CHST8: variants seen among roughly 807,000 people sequenced by gnomAD.
The protein encoded by CHST8 is GALNAC-4-ST1.
Under a neutral mutation model 15.0 loss-of-function variants are expected in CHST8, and 10 were observed. The observed-to-expected ratio is 0.67, with a 90% CI of 0.41 to 1.13. The LOEUF is 1.13. Ranked by LOEUF, CHST8 falls within the 50% of genes most tolerant of loss-of-function variation. The pLI is 0.00. For synonymous variants in CHST8, 259 were observed against 256.6 expected (o/e 1.01, Z -0.09); for missense variants, 634 against 608.2 (o/e 1.04, Z -0.45).
chr19:33,767,551 T>A (rs1974875974), intron 3 of CHST8, among the ~76,000 whole-genome samples: 1 of 152,242 alleles, frequency 6.6e-6, no homozygotes, highest in Non-Finnish European at 1.5e-5. Context: ...TGCCCATAAC[T>A]CACGCCTTGT....
intron 2 of CHST8, among the ~76,000 whole-genome samples, chr19:33,675,654 C>G (rs1972799816): frequency 6.6e-6 from 1 of 152,194 alleles, no homozygotes; most frequent in South Asian, 2.1e-4. Flanking sequence ...CCCTGTAGGT[C>G]AGGGCTGAGC....
rs765404654 is a variant in CHST8 at position 33,772,133 on chromosome 19, C to G, written c.345C>G (p.Leu115=). Residue 115 remains leucine (L), a synonymous_variant, in exon 5 of 5, where the codon CTC becomes CTG. Coordinates refer to ENST00000650847, the MANE Select transcript of CHST8 (RefSeq NM_001127895.2). ...TCCGCCAGCGCCGTCGCCGTCTGCT[C>G]ATCAAGAAAATGCCAGCTGCGGCGA... ...LRLRQRRRRL[L]IKKMPAAATI... The G allele has an allele frequency of 4.2e-5, 67 of 1,609,318 alleles. No homozygotes were observed. Among genetic ancestry groups the G allele is most frequent in the Non-Finnish European group, 5.7e-5 (67 of 1,178,426 alleles).
intron 3 of CHST8, among the ~76,000 whole-genome samples, chr19:33,731,546 A>G (rs4805055): frequency 0.019 from 2,849 of 152,266 alleles, 34 homozygotes; most frequent in Non-Finnish European, 0.027. Flanking sequence ...TCTTTACCAC[A>G]GCCTGCTTTA....
At chr19:33,690,959 T>C (rs1278095345) in intron 3 of CHST8, among the ~76,000 whole-genome samples, 2 of 152,232 alleles carry the variant, frequency 1.3e-5, no homozygotes, top group Admixed American at 6.5e-5. Flanking sequence ...AGGCAGAGGG[T>C]CCAGGCGGCC....
At chr19:33,727,264 T>G (rs552572830) in intron 3 of CHST8, among the ~76,000 whole-genome samples, 2 of 152,084 alleles carry the variant, frequency 1.3e-5, no homozygotes, top group African/African-American at 2.4e-5. Flanking sequence ...CTTCCATATG[T>G]CAGGCTTAGG....
At position 33,633,083 on chromosome 19, in the gene CHST8, G is replaced by A. The variant is rs549967185; in HGVS notation, c.-164+10787G>A. ...TGACCTCAGGTGATCCACCCGCCTCGGTCTCCCAAAGTGCTGGGATTACAG... is the reference window on the plus strand; with the variant it reads ...TGACCTCAGGTGATCCACCCGCCTCAGTCTCCCAAAGTGCTGGGATTACAG... On this transcript the variant is annotated intron_variant, in intron 1 of 4. Coordinates refer to ENST00000650847, the MANE Select transcript of CHST8 (RefSeq NM_001127895.2). Among the ~76,000 whole-genome samples the A allele has an allele frequency of 7.3e-5, 11 of 151,654 alleles. 1 individual carries two copies. The East Asian group carries it at 9.7e-4, about 13-fold the overall frequency.
At chr19:33,685,484 T>C (rs1466508695) in intron 2 of CHST8, among the ~76,000 whole-genome samples, 1 of 151,878 alleles carries the variant, frequency 6.6e-6, no homozygotes, top group Admixed American at 6.6e-5. Flanking sequence ...CTGTTTATTT[T>C]TCTTGCCTGA....
rs1973666432 is a variant in CHST8 at position 33,716,397 on chromosome 19, C to T, written c.130+27006C>T. 2.0e-5 allele frequency among the ~76,000 whole-genome samples: 3 copies of T among 152,264 alleles called. No individual in the cohort carries two copies. In the South Asian group the frequency reaches 6.2e-4, roughly 32 times the overall value. On this transcript the variant is annotated intron_variant, in intron 3 of 4. Coordinates refer to ENST00000650847, the MANE Select transcript of CHST8 (RefSeq NM_001127895.2). ...TTGTTTTGTTTTTGAGACAGGGTCT[C>T]ACTCGGTCACCCAGACTGGAGTACA...
At chr19:33,751,304 C>T (rs1974416806) in intron 3 of CHST8, among the ~76,000 whole-genome samples, 2 of 152,208 alleles carry the variant, frequency 1.3e-5, no homozygotes, top group Non-Finnish European at 2.9e-5. Flanking sequence ...TGTTCAATAA[C>T]TGATGACCAT....
chr19:33,651,961 T>C (rs1490858765), intron 1 of CHST8, among the ~76,000 whole-genome samples: 5 of 152,170 alleles, frequency 3.3e-5, no homozygotes, highest in Non-Finnish European at 7.4e-5. Flanking sequence ...ATTCTTAATT[T>C]TTTTTGGCTG....
chr19:33,749,236 A>T (rs563453439), intron 3 of CHST8, among the ~76,000 whole-genome samples: 1 of 152,246 alleles, frequency 6.6e-6, no homozygotes, highest in South Asian at 2.1e-4. Context: ...AGCCAGGGAC[A>T]ACTGAGTTTG....
At chr19:33,683,155 T>A (rs1176988637) in intron 2 of CHST8, among the ~76,000 whole-genome samples, 2 of 152,066 alleles carry the variant, frequency 1.3e-5, no homozygotes. Flanking sequence ...TGTGATTCAG[T>A]CCCCTCCAAC....
Position 33,689,367 on chromosome 19 carries a change from G to T in CHST8, c.106G>T (p.Glu36Ter). 6.2e-7 allele frequency: 1 copy of T among 1,603,528 alleles called. No individual in the cohort carries two copies. The change falls in exon 3 of 5, where the codon GAG (glutamate) becomes TAG (stop). Residue 36 changes from glutamate (E) to a stop codon, truncating the protein, a stop_gained. Coordinates refer to ENST00000650847, the MANE Select transcript of CHST8 (RefSeq NM_001127895.2). LOFTEE classifies it high-confidence loss of function. ...LLFISLQDPT[E>*]LAPQQVPGIK... ...CTTCATCAGCCTGCAGGACCCTACG[G>T]AGCTCGCCCCCCAGCAGGTGCCAGG...
rs1364439612 is a variant in CHST8, at chr19:33,747,870, CT to C, written c.131-23542del. Among the ~76,000 whole-genome samples, 3 of 152,170 alleles carry C rather than the reference CT, an allele frequency of 2.0e-5. No individual in the cohort carries two copies. In the East Asian group the frequency reaches 5.8e-4, roughly 29 times the overall value. On this transcript the variant is annotated intron_variant, in intron 3 of 4. Transcript: ENST00000650847. ...ACTGACACACAAGGGGGGTTCCTAG[CT>C]CTTTGTGGAGGCCGAGGAGGTGGCT...
chr19:33,759,131 C>T (rs1339748346), intron 3 of CHST8, among the ~76,000 whole-genome samples: 1 of 152,140 alleles, frequency 6.6e-6, no homozygotes, highest in Non-Finnish European at 1.5e-5. Flanking sequence ...ACACCCCCCA[C>T]CAGGACCCAC....
intron 2 of CHST8, among the ~76,000 whole-genome samples, chr19:33,672,439 T>G (rs1408207841): frequency 6.6e-6 from 1 of 152,118 alleles, no homozygotes; most frequent in Admixed American, 6.5e-5. Flanking sequence ...CTCAAAGTGA[T>G]CCAACTGCCT....
intron 2 of CHST8, among the ~76,000 whole-genome samples, chr19:33,682,254 G>A (rs1200466815): frequency 2.0e-5 from 3 of 147,840 alleles, no homozygotes; most frequent in Non-Finnish European, 3.0e-5. Flanking sequence ...GTGCAGTGGC[G>A]TGATCTCGGC....
At chr19:33,721,843 GGATGGATGGATGGATGGATGGACA>G (rs1568342432) in intron 3 of CHST8, among the ~76,000 whole-genome samples, 3 of 144,796 alleles carry the variant, frequency 2.1e-5, no homozygotes, top group Non-Finnish European at 4.5e-5. Context: ...TTGTATAGAG[GGATGGATGGATGGATGGATGGACA>G]GATGGATGGA....
intron 3 of CHST8, among the ~76,000 whole-genome samples, chr19:33,737,195 A>G (rs987864018): frequency 6.6e-6 from 1 of 152,250 alleles, no homozygotes; most frequent in Non-Finnish European, 1.5e-5. Context: ...ATAATCAACC[A>G]GCAGCCCTAA....
Sources: allele counts gnomAD v4.1 joint callset (sites outside exome capture counted in the v4.1 genomes callset), GRCh38; gene constraint gnomAD v4.1.1; transcripts MANE v1.5; gene names NCBI Gene and HGNC (gene_info 2026-07-23, HGNC 2026-07-21).